The following ADGRE1 variants were observed in gnomAD, a reference collection of about 807,000 sequenced individuals.
ADGRE1 encodes EGF-like module receptor 1.
In ADGRE1, 82 loss-of-function variants were observed where a neutral mutation model predicts 102.7. The observed-to-expected ratio is 0.80, with a 90% CI of 0.67 to 0.96. The LOEUF is 0.96. Ranked by LOEUF, ADGRE1 falls within the 40% of genes least tolerant of loss-of-function variation. ADGRE1 has a pLI of 0.00. For synonymous variants in ADGRE1, 398 were observed against 399.6 expected (o/e 1.00, Z 0.05); for missense variants, 1,032 against 1,085.3 (o/e 0.95, Z 0.69).
rs762163729 is a variant in ADGRE1 at position 6,924,759 on chromosome 19, C to T, written c.1873C>T (p.Leu625=). 6.2e-7 allele frequency: 1 copy of T among 1,614,216 alleles called. No individual in the cohort carries two copies. The highest frequency in any genetic ancestry group is 1.7e-5 in the Admixed American group (1 of 60,014). ...CCTCGTCTTGGCCATCGCCACCTTT[C>T]TGCTGTGTCGCTCCATCCGAAATCA... The part of the protein sequence containing the change: ...VCLVLAIATF[L]LCRSIRNHNT... The change falls in exon 15 of 21, where the codon CTG becomes TTG. Residue 625 remains leucine (L), a synonymous_variant. Transcript: ENST00000312053.
intron 1 of ADGRE1, among the ~76,000 whole-genome samples, chr19:6,888,302 T>C (rs559789825): frequency 1.3e-5 from 2 of 152,174 alleles, no homozygotes; most frequent in African/African-American, 4.8e-5. Flanking sequence ...TCGGGAGTTA[T>C]GTTGAAGGGA....
At chr19:6,915,017 T>TA (rs1185878068) in intron 11 of ADGRE1, among the ~76,000 whole-genome samples, 2 of 150,470 alleles carry the variant, frequency 1.3e-5, no homozygotes, top group Admixed American at 1.3e-4. Context: ...AAGGTTTTTT[T>TA]TTTCTTGAGA....
At chr19:6,901,823 ACTC>A in intron 5 of ADGRE1, 49 bp from the exon 6 acceptor site, 1 of 1,597,696 alleles carries the variant, frequency 6.3e-7, no homozygotes, top group Non-Finnish European at 8.6e-7. Context: ...TGTAGTCTCT[ACTC>A]CTTGCTTTCT....
chr19:6,931,599 A>C (rs1599766846), intron 17 of ADGRE1, among the ~76,000 whole-genome samples: 1 of 152,266 alleles, frequency 6.6e-6, no homozygotes, highest in East Asian at 1.9e-4. Flanking sequence ...GGAGTTCGAG[A>C]CCAGCCTGGC....
At chr19:6,925,069 C>A (rs1203136957) in intron 15 of ADGRE1, among the ~76,000 whole-genome samples, 197 bp downstream of exon 15, 2 of 152,102 alleles carry the variant, frequency 1.3e-5, no homozygotes, top group Admixed American at 1.3e-4. Flanking sequence ...AAACTTATGT[C>A]CCTGATCGTG....
Position 6,919,559 on chromosome 19 carries a change from G to T in ADGRE1, c.1432G>T (p.Val478Leu). ...GGGGAAACCTGCAGAGACCACTGGTGTGGCTTTTGTCTCCTTTGTGGGCAT... is the reference window on the plus strand; with the variant it reads ...GGGGAAACCTGCAGAGACCACTGGTTTGGCTTTTGTCTCCTTTGTGGGCAT... ...EESESTETTG[V>L]AFVSFVGMES... The change falls in exon 13 of 21, where the codon GTG (valine) becomes TTG (leucine). Residue 478 changes from valine (V) to leucine (L), a missense_variant. By Grantham distance (32) the Val-to-Leu change is conservative. Coordinates refer to ENST00000312053, the MANE Select transcript of ADGRE1 (RefSeq NM_001974.5). 6.2e-7 allele frequency: 1 copy of T among 1,612,972 alleles called. No individual in the cohort carries two copies. The highest frequency in any genetic ancestry group is 1.3e-5 in the African/African-American group (1 of 74,754).
chr19:6,924,769 G>T lies in ADGRE1; in HGVS notation c.1883G>T (p.Arg628Leu). 1 of 1,613,944 alleles carries T rather than the reference G, an allele frequency of 6.2e-7. No individual in the cohort carries two copies. Among genetic ancestry groups the T allele is most frequent in the Non-Finnish European group, 8.5e-7 (1 of 1,179,994 alleles). ...VLAIATFLLCRSIRNHNTYLH... is the reference protein window; with the variant it reads ...VLAIATFLLCLSIRNHNTYLH... ...GCCATCGCCACCTTTCTGCTGTGTC[G>T]CTCCATCCGAAATCACAACACCTAC... Residue 628 changes from arginine to leucine, a missense_variant, in exon 15 of 21, where the codon CGC becomes CTC. By Grantham distance (102) the Arg-to-Leu change is moderately radical. Coordinates refer to ENST00000312053, the MANE Select transcript of ADGRE1 (RefSeq NM_001974.5).
intron 14 of ADGRE1, among the ~76,000 whole-genome samples, 183 bp from the exon 15 acceptor site, chr19:6,924,495 C>A (rs1452434335): frequency 6.6e-6 from 1 of 152,138 alleles, no homozygotes. Flanking sequence ...GGAATAGGTG[C>A]TGGTGGATGC....
chr19:6,931,064 C>G (rs1975123612), intron 17 of ADGRE1, among the ~76,000 whole-genome samples: 1 of 152,008 alleles, frequency 6.6e-6, no homozygotes, highest in South Asian at 2.1e-4. Context: ...CCCCTCTTCC[C>G]TGTTCCCCAC....
At chr19:6,903,993 CTT>C (rs1568342081) in intron 7 of ADGRE1, 41 bp from the exon 8 acceptor site, 1 of 1,614,042 alleles carries the variant, frequency 6.2e-7, no homozygotes, top group Non-Finnish European at 8.5e-7. Flanking sequence ...AGACATTTCT[CTT>C]TGCTCTTCTG....
At chr19:6,912,263 A>G (rs369409299) in intron 10 of ADGRE1, among the ~76,000 whole-genome samples, 20 of 152,064 alleles carry the variant, frequency 1.3e-4, no homozygotes, top group African/African-American at 4.8e-4. Context: ...CACACAGTGC[A>G]GTCATTTTAT....
At chr19:6,923,283 C>T (rs1197998693) in intron 14 of ADGRE1, among the ~76,000 whole-genome samples, 1 of 152,178 alleles carries the variant, frequency 6.6e-6, no homozygotes, top group East Asian at 1.9e-4. Flanking sequence ...CTTCTCTGCA[C>T]TGAGCCCAGC....
At chr19:6,933,731 G>T (rs1975263758) in intron 17 of ADGRE1, among the ~76,000 whole-genome samples, 1 of 152,058 alleles carries the variant, frequency 6.6e-6, no homozygotes, top group Non-Finnish European at 1.5e-5. Context: ...GGGTTCTACT[G>T]CCATTTAGTG....
chr19:6,902,483 C>T (rs547347296), intron 6 of ADGRE1, among the ~76,000 whole-genome samples: 9 of 152,156 alleles, frequency 5.9e-5, no homozygotes, highest in African/African-American at 1.9e-4. Flanking sequence ...CTCTGTTGCC[C>T]AGGCTGGAGT....
rs377217690 is a variant in ADGRE1, at chr19:6,903,948, G to C, written c.800G>C (p.Arg267Thr). 16 of 1,614,078 alleles carry C rather than the reference G, an allele frequency of 9.9e-6. No homozygotes were observed. Among genetic ancestry groups the C allele is most frequent in the Non-Finnish European group, 1.3e-5 (15 of 1,180,048 alleles). ...LNFTDQGVEC[R>T]DIDECRQDPS... ...TTCACAGACCAAGGAGTGGAATGTA[G>C]AGGTGAGCAGAGAGTTTGATGGACA... Residue 267 changes from arginine (R) to threonine (T), a missense_variant and splice_region_variant, in exon 7 of 21, where the codon AGA (arginine) becomes ACA (threonine). Arg to Thr is a moderately conservative substitution (Grantham distance 71, BLOSUM62 -1). Coordinates refer to ENST00000312053, the MANE Select transcript of ADGRE1 (RefSeq NM_001974.5).
intron 10 of ADGRE1, among the ~76,000 whole-genome samples, chr19:6,910,600 C>G (rs1231966608): frequency 9.5e-6 from 1 of 105,802 alleles, no homozygotes; most frequent in Admixed American, 1.4e-4. Flanking sequence ...GAGATGGAGT[C>G]TTGCTCTGTT....
At position 6,901,262 on chromosome 19, in the gene ADGRE1, G is replaced by A. The variant is rs72984379; in HGVS notation, c.515-613G>A. Among the ~76,000 whole-genome samples the A allele has an allele frequency of 2.8e-3, 431 of 152,320 alleles. 4 individuals are homozygous for A. The highest frequency in any genetic ancestry group is 0.024 in the Middle Eastern group (7 of 294). On this transcript the variant is annotated intron_variant, in intron 5 of 20. Transcript: ENST00000312053. ...TTGTTACATTATTACAAGGAGGAGG[G>A]AATGGGTCTCACATGTCTGGGGCTC...
intron 9 of ADGRE1, among the ~76,000 whole-genome samples, chr19:6,907,795 G>A (rs1293509067): frequency 6.6e-6 from 1 of 152,096 alleles, no homozygotes; most frequent in Non-Finnish European, 1.5e-5. Context: ...TTTGTGTCTG[G>A]CTTCTTTCAC....
intron 2 of ADGRE1, among the ~76,000 whole-genome samples, chr19:6,891,539 C>T (rs963345657): frequency 2.6e-5 from 4 of 151,786 alleles, no homozygotes; most frequent in Non-Finnish European, 4.4e-5. Flanking sequence ...CTGCAAGCTC[C>T]GCCTTCCAGG....
Sources: gnomAD v4.1 joint callset for allele counts (sites outside exome capture counted in the v4.1 genomes callset) on GRCh38, gnomAD v4.1.1 for gene constraint, MANE v1.5 for transcripts, NCBI Gene and HGNC (gene_info 2026-07-23, HGNC 2026-07-21) for gene names.